ZNF385B: variants seen among roughly 807,000 people sequenced by gnomAD.
ZNF385B encodes the protein zinc finger protein 533.
Under a neutral mutation model 39.2 loss-of-function variants are expected in ZNF385B, and 23 were observed. The observed-to-expected ratio is 0.59, with a 90% confidence interval of 0.42 to 0.83. The LOEUF (loss-of-function observed/expected upper bound fraction) is 0.83. ZNF385B is among the 40% of genes least tolerant of loss of function. The probability of loss-of-function intolerance (pLI) is 0.00; values close to 1 mark genes in which losing one functional copy is unlikely to be tolerated. For missense variants in ZNF385B, 552 were observed against 598.9 expected (o/e 0.92, Z 0.82); for synonymous variants, 205 against 222.6 (o/e 0.92, Z 0.70).
At chr2:179,659,514 T>C (rs950402431) in intron 3 of ZNF385B, among the ~76,000 whole-genome samples, 16 of 151,926 alleles carry the variant, frequency 1.1e-4, no homozygotes, top group Non-Finnish European at 2.1e-4. Flanking sequence ...AAATGTTATA[T>C]TTAAAAATAT....
At chr2:179,607,843 A>ACTTAT (rs1318543044) in intron 3 of ZNF385B, among the ~76,000 whole-genome samples, 1 of 151,756 alleles carries the variant, frequency 6.6e-6, no homozygotes, top group African/African-American at 2.4e-5. Flanking sequence ...ACTTATACAA[A>ACTTAT]CTTATCTGGA....
At chr2:179,652,846 CAAAA>C (rs10653511) in intron 3 of ZNF385B, among the ~76,000 whole-genome samples, 1 of 140,498 alleles carries the variant, frequency 7.1e-6, no homozygotes, top group African/African-American at 2.6e-5. Flanking sequence ...AGCAAAGCAC[CAAAA>C]AAAAAAAAAA....
chr2:179,640,221 T>C (rs114663633), intron 3 of ZNF385B, among the ~76,000 whole-genome samples: 244 of 152,286 alleles, frequency 1.6e-3, no homozygotes, highest in African/African-American at 5.5e-3. Context: ...AATGATATTA[T>C]TGTAGCAATT....
intron 1 of ZNF385B, among the ~76,000 whole-genome samples, chr2:179,816,655 T>A (rs955605341): frequency 1.3e-5 from 2 of 152,168 alleles, no homozygotes; most frequent in African/African-American, 4.8e-5. Context: ...CAAATAGAAG[T>A]TCAATGTTTG....
chr2:179,767,206 G>A (rs542037781), intron 3 of ZNF385B, among the ~76,000 whole-genome samples: 2 of 152,136 alleles, frequency 1.3e-5, no homozygotes, highest in African/African-American at 2.4e-5. Flanking sequence ...ACAATCTGGG[G>A]GATCCCTTCA....
intron 6 of ZNF385B, among the ~76,000 whole-genome samples, chr2:179,451,387 T>C (rs1337517540): frequency 6.6e-6 from 1 of 151,972 alleles, no homozygotes; most frequent in Non-Finnish European, 1.5e-5. Context: ...TAGTTGAGCA[T>C]AGAGCTGGCA....
chr2:179,692,693 A>G (rs183946800), intron 3 of ZNF385B, among the ~76,000 whole-genome samples: 3 of 152,244 alleles, frequency 2.0e-5, no homozygotes, highest in Admixed American at 2.0e-4. Context: ...AATGTTTCTC[A>G]TTTACCTCTC....
intron 3 of ZNF385B, among the ~76,000 whole-genome samples, chr2:179,644,649 T>C (rs1406067044): frequency 6.6e-6 from 1 of 152,182 alleles, no homozygotes; most frequent in Non-Finnish European, 1.5e-5. Context: ...TTGGCAACTT[T>C]TTATTCCTAT....
chr2:179,719,129 G>A (rs1328567234), intron 3 of ZNF385B, among the ~76,000 whole-genome samples: 1 of 151,974 alleles, frequency 6.6e-6, no homozygotes, highest in Non-Finnish European at 1.5e-5. Context: ...TGTTGCCCAT[G>A]GACAACCTAG....
chr2:179,448,202 G>A lies in ZNF385B; in HGVS notation c.716-1432C>T, dbSNP rs189723350. On this transcript the variant is annotated intron_variant, in intron 6 of 9. Transcript: ENST00000410066. ...TCTTAGACTTTTATTAAACTGACCTGTATAGTGTGAGAGAAGGACATAAAA... is the reference window on the plus strand; with the variant it reads ...TCTTAGACTTTTATTAAACTGACCTATATAGTGTGAGAGAAGGACATAAAA... 4.6e-3 allele frequency among the ~76,000 whole-genome samples: 694 copies of A among 152,132 alleles called. 7 individuals are homozygous for A. Among genetic ancestry groups the A allele is most frequent in the African/African-American group, 0.016 (654 of 41,546 alleles).
intron 3 of ZNF385B, among the ~76,000 whole-genome samples, chr2:179,632,029 C>A (rs1161404000): frequency 6.6e-6 from 1 of 152,058 alleles, no homozygotes; most frequent in African/African-American, 2.4e-5. Context: ...TTCAAGAGCA[C>A]CCAGAGACCC....
At chr2:179,613,259 A>G (rs1172266489) in intron 3 of ZNF385B, among the ~76,000 whole-genome samples, 1 of 152,260 alleles carries the variant, frequency 6.6e-6, no homozygotes, top group South Asian at 2.1e-4. Context: ...AAGCTCCAAG[A>G]CAAAGTCTCC....
intron 1 of ZNF385B, among the ~76,000 whole-genome samples, chr2:179,772,782 G>A (rs1351930080): frequency 6.6e-6 from 1 of 152,192 alleles, no homozygotes; most frequent in Non-Finnish European, 1.5e-5. Flanking sequence ...TTGAGTGGGA[G>A]AGAAGGACCT....
At position 179,844,170 on chromosome 2, in the gene ZNF385B, G is replaced by A. The variant is rs74621070; in HGVS notation, c.-155+16931C>T. On this transcript the variant is annotated intron_variant, in intron 1 of 9. Transcript: ENST00000410066. ...CGTAACCTCCTTAAAAACGGACATC[G>A]ATTGAAACCGCCTCCTCCATTTGCT... is the stretch of plus-strand genomic sequence containing the variant. Among the ~76,000 whole-genome samples, 1,225 of 152,274 alleles carry A rather than the reference G, an allele frequency of 8.0e-3. 17 individuals are homozygous for A. The highest frequency in any genetic ancestry group is 0.028 in the African/African-American group (1,144 of 41,570).
At chr2:179,577,777 GTT>G (rs2106020749) in intron 3 of ZNF385B, among the ~76,000 whole-genome samples, 1 of 131,240 alleles carries the variant, frequency 7.6e-6, no homozygotes, top group South Asian at 2.7e-4. Context: ...TAAACTAATT[GTT>G]TAGTGGTTTG....
At chr2:179,642,605 AC>A (rs1692368030) in intron 3 of ZNF385B, among the ~76,000 whole-genome samples, 1 of 152,142 alleles carries the variant, frequency 6.6e-6, no homozygotes, top group African/African-American at 2.4e-5. Flanking sequence ...CAAAGAGAAA[AC>A]CATTTTCATA....
chr2:179,702,170 G>T (rs1407216242), intron 3 of ZNF385B, among the ~76,000 whole-genome samples: 6 of 151,924 alleles, frequency 3.9e-5, no homozygotes, highest in Non-Finnish European at 7.4e-5. Context: ...TGTTTTCAGG[G>T]TATTTTAACA....
At chr2:179,754,366 T>C (rs1702878893) in intron 3 of ZNF385B, among the ~76,000 whole-genome samples, 2 of 152,242 alleles carry the variant, frequency 1.3e-5, no homozygotes, top group Non-Finnish European at 2.9e-5. Context: ...TGCATTGATA[T>C]TCATCAGGGA....
intron 3 of ZNF385B, among the ~76,000 whole-genome samples, chr2:179,625,945 C>T (rs1007936874): frequency 1.3e-5 from 2 of 151,928 alleles, no homozygotes; most frequent in African/African-American, 4.8e-5. Context: ...CAGTACCCTG[C>T]CCACTTCTAA....
Sources: allele counts gnomAD v4.1 joint callset (sites outside exome capture counted in the v4.1 genomes callset), GRCh38; gene constraint gnomAD v4.1.1; transcripts MANE v1.5; gene names NCBI Gene and HGNC (gene_info 2026-07-23, HGNC 2026-07-21).